TMEM270: variants seen among roughly 807,000 people sequenced by gnomAD.
TMEM270 encodes Williams-Beuren syndrome chromosome region 28.
Under a neutral mutation model 29.9 loss-of-function variants are expected in TMEM270, and 30 were observed. The observed-to-expected ratio is 1.00, with a 90% CI of 0.75 to 1.36. TMEM270 has a LOEUF of 1.36. Among genes scored for constraint, TMEM270 ranks in the 40% most tolerant of loss-of-function variants. TMEM270 has a pLI of 0.00. For missense variants in TMEM270, 313 were observed against 307.1 expected, an observed-to-expected ratio of 1.02 and a Z score of -0.14; for synonymous variants, 135 against 139.8, an observed-to-expected ratio of 0.97 and a Z score of 0.24.
rs1563666547 is a variant in TMEM270, at chr7:73,865,789, G to A, written c.714G>A (p.Gly238=). ...AQEVEPQEVS[G]SSLLPSLSAS... ...AGGTTGAACCCCAGGAGGTCTCAGG[G>A]TCTTCCTTGCTGCCCTCACTGTCTG... The change falls in exon 3 of 3, where the codon GGG becomes GGA. Residue 238 remains glycine (G), a synonymous_variant. Transcript: ENST00000320531. 1.1e-5 allele frequency: 17 copies of A among 1,613,896 alleles called. No individual in the cohort carries two copies. The highest frequency in any genetic ancestry group is 1.4e-5 in the Non-Finnish European group (16 of 1,180,014).
At position 73,865,787 on chromosome 7, in the gene TMEM270, G is replaced by T; in HGVS notation, c.712G>T (p.Gly238Trp). Residue 238 changes from glycine to tryptophan, a missense_variant, in exon 3 of 3, where the codon GGG (glycine) becomes TGG (tryptophan). Gly to Trp is a radical substitution (Grantham distance 184). Transcript: ENST00000320531. ...AQEVEPQEVS[G>W]SSLLPSLSAS... ...GGAGGTTGAACCCCAGGAGGTCTCA[G>T]GGTCTTCCTTGCTGCCCTCACTGTC... is the stretch of plus-strand genomic sequence containing the variant. 4 of 1,614,006 alleles carry T rather than the reference G, an allele frequency of 2.5e-6. No homozygotes were observed. Among genetic ancestry groups the T allele is most frequent in the Non-Finnish European group, 3.4e-6 (4 of 1,180,016 alleles).
rs782273979 is a variant in TMEM270 at position 73,865,658 on chromosome 7, C to T, written c.583C>T (p.Leu195Phe). 1.2e-6 allele frequency: 2 copies of T among 1,614,148 alleles called. No individual in the cohort carries two copies. Among genetic ancestry groups the T allele is most frequent in the South Asian group, 1.1e-5 (1 of 91,082 alleles). ...LYWWVETMTA[L>F]TSWHLAYLIT... The stretch of plus-strand genomic sequence containing the variant: ...TTGGTGGGTGGAGACTATGACTGCC[C>T]TCACCTCCTGGCACCTGGCCTATCT... Residue 195 changes from leucine (L) to phenylalanine (F), a missense_variant, in exon 3 of 3, where the codon CTC becomes TTC. Physicochemically the swap from Leu to Phe is conservative, Grantham distance 22. Coordinates refer to ENST00000320531, the MANE Select transcript of TMEM270 (RefSeq NM_182504.4).
At position 73,862,115 on chromosome 7, in the gene TMEM270, T is replaced by A. The variant is rs572961499; in HGVS notation, c.72+849T>A. Among the ~76,000 whole-genome samples, 1,047 of 150,752 alleles carry A rather than the reference T, an allele frequency of 6.9e-3. 11 individuals are homozygous for A. Among genetic ancestry groups the A allele is most frequent in the African/African-American group, 0.024 (993 of 41,038 alleles). ...CCTGGCTCATTCATCTCTCTCTCTTTTTTTTTTTTTCAGATGCAGTCTTGC... is the reference window on the plus strand; with the variant it reads ...CCTGGCTCATTCATCTCTCTCTCTTATTTTTTTTTTCAGATGCAGTCTTGC... On this transcript the variant is annotated intron_variant, in intron 1 of 2. Coordinates refer to ENST00000320531, the MANE Select transcript of TMEM270 (RefSeq NM_182504.4).
intron 1 of TMEM270, 143 bp downstream of exon 1, chr7:73,861,409 C>T: frequency 1.4e-6 from 1 of 712,568 alleles, no homozygotes; most frequent in South Asian, 1.7e-5. Context: ...AATCTGACAT[C>T]TCCCAGAAGC....
rs546042564 is a variant in TMEM270 at position 73,862,041 on chromosome 7, C to G, written c.72+775C>G. Among the ~76,000 whole-genome samples, 277 of 151,688 alleles carry G rather than the reference C, an allele frequency of 1.8e-3. 1 individual carries two copies. Among genetic ancestry groups the G allele is most frequent in the Non-Finnish European group, 2.3e-3 (157 of 67,896 alleles). The stretch of plus-strand genomic sequence containing the variant: ...CTCGATCTCCTGACCTTGTGATCTG[C>G]CCGCCTCAGCTCCCCAAAGTGCTGG... On this transcript the variant is annotated intron_variant, in intron 1 of 2. Coordinates refer to ENST00000320531, the MANE Select transcript of TMEM270 (RefSeq NM_182504.4).
intron 1 of TMEM270, among the ~76,000 whole-genome samples, chr7:73,863,517 G>A (rs1471815535): frequency 2.6e-5 from 4 of 151,996 alleles, no homozygotes; most frequent in Non-Finnish European, 5.9e-5. Flanking sequence ...AGCCTCCCGA[G>A]TAGCTGGGAT....
At chr7:73,863,601 G>A (rs892444731) in intron 1 of TMEM270, among the ~76,000 whole-genome samples, 1 of 152,092 alleles carries the variant, frequency 6.6e-6, no homozygotes, top group African/African-American at 2.4e-5. Context: ...GGTTGACCAG[G>A]CTGGTCTCGA....
Position 73,865,049 on chromosome 7 carries a change from C to T in TMEM270, c.129C>T (p.Phe43=), listed in dbSNP as rs1788870666. 4 of 1,524,278 alleles carry T rather than the reference C, an allele frequency of 2.6e-6. No individual in the cohort carries two copies. Among genetic ancestry groups the T allele is most frequent in the Non-Finnish European group, 3.5e-6 (4 of 1,136,852 alleles). 94.4% of individuals were successfully genotyped at this position (1,524,278 alleles called of 1,614,324 possible). A position where few individuals can be genotyped will look rare whatever the true frequency, so the allele number is the denominator to read the frequency against. The change falls in exon 2 of 3, where the codon TTC becomes TTT. Residue 43 remains phenylalanine (F), a synonymous_variant. Transcript: ENST00000320531. ...TCCTGCTCCTCAAGATCAACCTCTTCAACCACTGGGTGTCAGGGCTGGCCC... is the reference window on the plus strand; with the variant it reads ...TCCTGCTCCTCAAGATCAACCTCTTTAACCACTGGGTGTCAGGGCTGGCCC... ...YNFLLLKINL[F]NHWVSGLAQE...
chr7:73,863,608 T>C (rs1009527763), intron 1 of TMEM270, among the ~76,000 whole-genome samples: 5 of 152,136 alleles, frequency 3.3e-5, no homozygotes, highest in African/African-American at 1.2e-4. Context: ...CAGGCTGGTC[T>C]CGAAATCTTG....
In TMEM270 at chr7:73,865,591, C is replaced by T. The variant is rs1392635827; in HGVS notation, c.516C>T (p.Asn172=). 6.2e-7 allele frequency: 1 copy of T among 1,613,750 alleles called. No individual in the cohort carries two copies. The highest frequency in any genetic ancestry group is 8.5e-7 in the Non-Finnish European group (1 of 1,179,812). ...GRQLSKALQV[N]CVVRKLLVQL... is the part of the protein sequence containing the mutation. The stretch of plus-strand genomic sequence containing the variant: ...CCCTGTTCCAGGCCTTGCAAGTGAA[C>T]TGCGTGGTAAGGAAGCTCCTGGTAC... The change falls in exon 3 of 3, where the codon AAC becomes AAT. Residue 172 remains asparagine, a synonymous_variant. Coordinates refer to ENST00000320531, the MANE Select transcript of TMEM270 (RefSeq NM_182504.4).
intron 1 of TMEM270, among the ~76,000 whole-genome samples, chr7:73,864,340 G>C (rs1788852949): frequency 1.3e-5 from 2 of 151,860 alleles, no homozygotes; most frequent in South Asian, 4.2e-4. Flanking sequence ...GAGATGGGAG[G>C]GTTGTTTAAG....
intron 1 of TMEM270, among the ~76,000 whole-genome samples, chr7:73,862,183 C>G: frequency 6.6e-6 from 1 of 151,494 alleles, no homozygotes; most frequent in East Asian, 1.9e-4. Context: ...TCTCGGCTCA[C>G]TGCAACTTCC....
intron 1 of TMEM270, among the ~76,000 whole-genome samples, chr7:73,862,425 T>A (rs1454186715): frequency 6.6e-6 from 1 of 151,138 alleles, no homozygotes; most frequent in African/African-American, 2.4e-5. Flanking sequence ...CTTTTAAACA[T>A]ACACATGCTT....
chr7:73,865,254 G>C lies in TMEM270; in HGVS notation c.334G>C (p.Ala112Pro). The C allele has an allele frequency of 6.2e-7, 1 of 1,613,528 alleles. No individual in the cohort carries two copies. Among genetic ancestry groups the C allele is most frequent in the Non-Finnish European group, 8.5e-7 (1 of 1,180,026 alleles). The change falls in exon 2 of 3, where the codon GCC (alanine) becomes CCC (proline). Residue 112 changes from alanine to proline, a missense_variant. Ala to Pro is a conservative substitution (Grantham distance 27). Coordinates refer to ENST00000320531, the MANE Select transcript of TMEM270 (RefSeq NM_182504.4). ...MWGSTKGLGL[A>P]LLSAWEQLGL... ...GGGCAGCACCAAGGGCCTGGGCCTG[G>C]CCTTGCTCAGTGCCTGGGAGCAGCT...
At chr7:73,861,150 G>C, upstream of TMEM270, 1 of 1,602,386 alleles carries the variant, frequency 6.2e-7, no homozygotes, top group Non-Finnish European at 8.5e-7. Context: ...GCATCTGTGA[G>C]GTCACCCTGC....
chr7:73,861,400 A>G, intron 1 of TMEM270, 134 bp downstream of exon 1: 1 of 752,126 alleles, frequency 1.3e-6, no homozygotes, highest in Non-Finnish European at 2.2e-6. Flanking sequence ...TTCCAGAATA[A>G]TCTGACATCT....
rs1788766967 is a variant in TMEM270, at chr7:73,861,200, G to A, written c.6G>A (p.Glu2=). The change falls in exon 1 of 3, where the codon GAG becomes GAA. Residue 2 remains glutamate, a synonymous_variant. Transcript: ENST00000320531. ...GTAGGTGGGGGAGGCCAGACATGGA[G>A]GCCCTTCCTCCAGTCAGATCCAGCC... is the stretch of plus-strand genomic sequence containing the variant. The part of the protein sequence containing the change: M[E]ALPPVRSSLL... The A allele has an allele frequency of 6.2e-7, 1 of 1,613,568 alleles. No individual in the cohort carries two copies. Among genetic ancestry groups the A allele is most frequent in the Non-Finnish European group, 8.5e-7 (1 of 1,179,586 alleles).
chr7:73,864,701 G>A (rs1485197777), intron 1 of TMEM270, among the ~76,000 whole-genome samples: 11 of 151,824 alleles, frequency 7.2e-5, no homozygotes, highest in Non-Finnish European at 1.3e-4. Flanking sequence ...TCAGGAGTTC[G>A]AGACCAGCCT....
At chr7:73,861,104 A>T (rs542372824), upstream of TMEM270, 1 of 1,340,282 alleles carries the variant, frequency 7.5e-7, no homozygotes, top group Non-Finnish European at 1.1e-6. Context: ...ACTGGCGGCA[A>T]CCGGGTCCCC....
Sources: allele counts gnomAD v4.1 joint callset (sites outside exome capture counted in the v4.1 genomes callset), GRCh38; gene constraint gnomAD v4.1.1; transcripts MANE v1.5; gene names NCBI Gene and HGNC (gene_info 2026-07-23, HGNC 2026-07-21).